Variants in NDUFA8 observed in about 807,000 individuals in gnomAD.
The protein encoded by NDUFA8 is NADH dehydrogenase [ubiquinone] 1 alpha subcomplex subunit 8.
A neutral mutation model predicts 20.9 loss-of-function variants in NDUFA8; 16 were observed. The observed-to-expected ratio is 0.77, with a 90% CI of 0.52 to 1.16. NDUFA8 has a LOEUF of 1.16. NDUFA8 is among the 50% of genes most tolerant of loss of function. The pLI, the probability that NDUFA8 is intolerant of heterozygous loss-of-function variation, is 0.00. For missense variants in NDUFA8, 202 were observed against 216.4 expected (o/e 0.93, Z 0.42); for synonymous variants, 70 against 76.1 (o/e 0.92, Z 0.41).
intron 3 of NDUFA8, 39 bp from the exon 4 acceptor site, chr9:122,144,417 T>C (rs1359664726): frequency 6.3e-7 from 1 of 1,591,090 alleles, no homozygotes; most frequent in Non-Finnish European, 8.6e-7. Flanking sequence ...AGTTGAAAGC[T>C]AGGGTGGAGG....
the NDUFA8 span, among the ~76,000 whole-genome samples, chr9:122,135,034 C>T: frequency 6.6e-6 from 1 of 152,234 alleles, no homozygotes; most frequent in Non-Finnish European, 1.5e-5. Flanking sequence ...TTCATTAATG[C>T]CATTGTCCAC....
At chr9:122,146,840 G>T (rs1156275613) in intron 3 of NDUFA8, among the ~76,000 whole-genome samples, 2 of 152,248 alleles carry the variant, frequency 1.3e-5, no homozygotes, top group Non-Finnish European at 2.9e-5. Context: ...AGGCTGCAGT[G>T]AGCTGTGATC....
intron 1 of NDUFA8, among the ~76,000 whole-genome samples, chr9:122,157,005 C>G (rs915641348): frequency 6.6e-6 from 1 of 152,214 alleles, no homozygotes; most frequent in African/African-American, 2.4e-5. Flanking sequence ...AGCAACCAAA[C>G]TCTCATTCAG....
the NDUFA8 span, chr9:122,132,876 T>C: frequency 6.6e-6 from 3 of 455,120 alleles, no homozygotes; most frequent in Non-Finnish European, 1.3e-5. Flanking sequence ...GAAATAGAAG[T>C]GTCGTTGTTC....
At chr9:122,149,901 G>C (rs954654579) in intron 2 of NDUFA8, among the ~76,000 whole-genome samples, 3 of 151,734 alleles carry the variant, frequency 2.0e-5, no homozygotes, top group African/African-American at 7.3e-5. Flanking sequence ...AGGTTGCAGC[G>C]AACAAAGATC....
In NDUFA8 at chr9:122,144,095, G is replaced by A; in HGVS notation, c.*146C>T. 5.2e-6 allele frequency: 8 copies of A among 1,525,298 alleles called. No individual in the cohort carries two copies. The South Asian group carries it at 8.7e-5, about 17-fold the overall frequency. 94.5% of individuals were successfully genotyped at this position (1,525,298 alleles called of 1,614,324 possible). On this transcript the variant is annotated 3_prime_UTR_variant, in exon 4 of 4. Coordinates refer to ENST00000373768, the MANE Select transcript of NDUFA8 (RefSeq NM_014222.3). ...ATTTTAATGGACAGGAAATGGTATAGAATAACTGCCAAGTCACATAAGTTA... is the reference window on the plus strand; with the variant it reads ...ATTTTAATGGACAGGAAATGGTATAAAATAACTGCCAAGTCACATAAGTTA...
At chr9:122,157,933 T>C (rs976588872) in intron 1 of NDUFA8, among the ~76,000 whole-genome samples, 3 of 152,072 alleles carry the variant, frequency 2.0e-5, no homozygotes, top group Non-Finnish European at 2.9e-5. Flanking sequence ...GCAGGCAGAT[T>C]ACGAGGTCAG....
intron 1 of NDUFA8, among the ~76,000 whole-genome samples, chr9:122,156,951 G>T (rs889686331): frequency 6.6e-6 from 1 of 152,094 alleles, no homozygotes; most frequent in African/African-American, 2.4e-5. Context: ...CTGCTACCGT[G>T]ATCTCCCTAA....
At chr9:122,137,707 A>C in the NDUFA8 span, among the ~76,000 whole-genome samples, 1 of 152,224 alleles carries the variant, frequency 6.6e-6, no homozygotes, top group Non-Finnish European at 1.5e-5. Context: ...GGTCTATTTC[A>C]AGAAAACATG....
At chr9:122,138,865 T>TGGTGG in the NDUFA8 span, among the ~76,000 whole-genome samples, 2 of 89,384 alleles carry the variant, frequency 2.2e-5, no homozygotes, top group African/African-American at 8.0e-5. Flanking sequence ...CAAGAAGAGG[T>TGGTGG]GGGGGGGGGG....
At chr9:122,139,957 T>C (rs1223443749), downstream of NDUFA8, among the ~76,000 whole-genome samples, 2 of 152,188 alleles carry the variant, frequency 1.3e-5, no homozygotes, top group Non-Finnish European at 2.9e-5. Flanking sequence ...CCTCCCAAAG[T>C]GCTGGGATTA....
downstream of NDUFA8, among the ~76,000 whole-genome samples, chr9:122,140,205 C>T (rs536428336): frequency 9.8e-5 from 15 of 152,346 alleles, no homozygotes; most frequent in African/African-American, 3.1e-4. Flanking sequence ...TCTCTGGAAT[C>T]TGTCTTATTT....
intron 3 of NDUFA8, among the ~76,000 whole-genome samples, chr9:122,147,244 A>T (rs1024844265): frequency 4.0e-5 from 5 of 125,060 alleles, no homozygotes; most frequent in East Asian, 2.0e-4. Context: ...TGAGAGGATT[A>T]AAAAAAAAAT....
intron 3 of NDUFA8, among the ~76,000 whole-genome samples, chr9:122,145,905 T>G (rs1041452359): frequency 6.6e-6 from 1 of 152,184 alleles, no homozygotes; most frequent in Non-Finnish European, 1.5e-5. Context: ...ATCCCCGCAC[T>G]CTGGGAGGCT....
chr9:122,134,724 T>C, the NDUFA8 span, among the ~76,000 whole-genome samples: 1 of 152,154 alleles, frequency 6.6e-6, no homozygotes, highest in East Asian at 1.9e-4. Context: ...CACTACTATC[T>C]GAACCCTTCC....
chr9:122,159,201 T>G (rs985741612), intron 1 of NDUFA8, among the ~76,000 whole-genome samples: 4 of 152,130 alleles, frequency 2.6e-5, no homozygotes, highest in South Asian at 2.1e-4. Flanking sequence ...GTCACCCCAC[T>G]CTATGCACTC....
chr9:122,158,398 T>C (rs1301141508), intron 1 of NDUFA8, among the ~76,000 whole-genome samples: 1 of 152,044 alleles, frequency 6.6e-6, no homozygotes, highest in African/African-American at 2.4e-5. Context: ...AAGTTGCCTC[T>C]CCAGGCTCAG....
intron 3 of NDUFA8, 48 bp downstream of exon 3, chr9:122,148,064 T>C: frequency 6.2e-7 from 1 of 1,612,146 alleles, no homozygotes; most frequent in African/African-American, 1.3e-5. Context: ...CCTGCCTTTA[T>C]CCCACCCCTG....
At chr9:122,136,212 A>G in the NDUFA8 span, among the ~76,000 whole-genome samples, 1 of 152,168 alleles carries the variant, frequency 6.6e-6, no homozygotes, top group Admixed American at 6.5e-5. Context: ...ATCCTTGTAC[A>G]CAGCTTAACG....
Sources: allele counts gnomAD v4.1 joint callset (sites outside exome capture counted in the v4.1 genomes callset), GRCh38; gene constraint gnomAD v4.1.1; transcripts MANE v1.5; gene names NCBI Gene and HGNC (gene_info 2026-07-23, HGNC 2026-07-21).